Variants in BRDT observed in about 807,000 individuals in gnomAD.
The protein encoded by BRDT is bromodomain testis-specific protein.
In BRDT, 77 loss-of-function variants were observed where a neutral mutation model predicts 113.9. That is an observed-to-expected ratio of 0.68 (90% CI 0.56 to 0.82). The LOEUF is 0.82. Ranked by LOEUF, BRDT falls within the 40% of genes least tolerant of loss-of-function variation. BRDT has a pLI of 0.00. For missense variants in BRDT, 1,027 were observed against 1,105.4 expected, an observed-to-expected ratio of 0.93 and a Z score of 1.01; for synonymous variants, 358 against 366.5, an observed-to-expected ratio of 0.98 and a Z score of 0.26.
chr1:92,011,519 C>T lies in BRDT; in HGVS notation c.2776-2687C>T, dbSNP rs151138260. Among the ~76,000 whole-genome samples the T allele has an allele frequency of 9.2e-5, 14 of 151,942 alleles. No individual in the cohort carries two copies. In the East Asian group the frequency reaches 2.1e-3, roughly 23 times the overall value. ...GAGATGTAGTCTGTGGGATTACAGGCGTGAGCTACCACGCCCAGCCGACCT... is the reference window on the plus strand; with the variant it reads ...GAGATGTAGTCTGTGGGATTACAGGTGTGAGCTACCACGCCCAGCCGACCT... On this transcript the variant is annotated intron_variant, in intron 18 of 18. Transcript: ENST00000399546.
intron 17 of BRDT, 144 bp from the exon 18 acceptor site, chr1:92,004,975 G>T: frequency 1.6e-6 from 1 of 638,646 alleles, no homozygotes; most frequent in Non-Finnish European, 2.4e-6. Context: ...GTAATTTGAT[G>T]CATCAAAAAT....
chr1:91,976,322 A>G lies in BRDT; in HGVS notation c.502A>G (p.Thr168Ala). The change falls in exon 5 of 19, where the codon ACA becomes GCA. Residue 168 changes from threonine (T) to alanine (A), a missense_variant. Physicochemically the swap from Thr to Ala is moderately conservative, Grantham distance 58. Coordinates refer to ENST00000399546, the MANE Select transcript of BRDT (RefSeq NM_207189.4). ...SAKEKSSPSATEKVFKQQEIP... is the reference protein window; with the variant it reads ...SAKEKSSPSAAEKVFKQQEIP... Reference sequence around the variant, plus strand: ...TAAAGAAAAATCATCACCCAGCGCAACAGAAAAAGTATTTAAGCAGCAAGA... The same window carrying G: ...TAAAGAAAAATCATCACCCAGCGCAGCAGAAAAAGTATTTAAGCAGCAAGA... 1 of 1,612,608 alleles carries G rather than the reference A, an allele frequency of 6.2e-7. No individual in the cohort carries two copies.
chr1:91,977,351 C>T lies in BRDT; in HGVS notation c.927C>T (p.Tyr309=), dbSNP rs746735216. The T allele has an allele frequency of 3.1e-6, 5 of 1,599,232 alleles. No individual in the cohort carries two copies. Among genetic ancestry groups the T allele is most frequent in the African/African-American group, 2.7e-5 (2 of 74,268 alleles). ...TTAATGCTTTGGGACTCCATAACTA[C>T]TATGACGTTGTCAAAAATCCGATGG... ...VDVNALGLHN[Y]YDVVKNPMDL... Residue 309 remains tyrosine, a synonymous_variant, in exon 6 of 19, where the codon TAC becomes TAT. Coordinates refer to ENST00000399546, the MANE Select transcript of BRDT (RefSeq NM_207189.4).
chr1:91,985,216 A>G (rs1271244210), intron 12 of BRDT, among the ~76,000 whole-genome samples: 1 of 151,986 alleles, frequency 6.6e-6, no homozygotes, highest in Non-Finnish European at 1.5e-5. Flanking sequence ...GGAGCATGCC[A>G]CCACACCGGC....
intron 18 of BRDT, among the ~76,000 whole-genome samples, chr1:92,010,267 ATTT>A (rs373305680): frequency 0.023 from 2,345 of 100,974 alleles, 14 homozygotes; most frequent in Middle Eastern, 0.033. Context: ...TGCTCTTTTA[ATTT>A]TTTTTTTTTT....
intron 3 of BRDT, among the ~76,000 whole-genome samples, chr1:91,967,390 C>T (rs564503560): frequency 6.6e-5 from 10 of 151,242 alleles, no homozygotes; most frequent in South Asian, 2.1e-4. Context: ...CATGCGCAAC[C>T]GCACCTGGCT....
intron 1 of BRDT, among the ~76,000 whole-genome samples, chr1:91,958,387 C>T (rs979088947): frequency 7.3e-5 from 11 of 151,470 alleles, no homozygotes; most frequent in Non-Finnish European, 1.5e-5. Context: ...GGCTAGTTTT[C>T]GTGTTTTTAG....
At chr1:92,006,852 A>G (rs1334344263) in intron 18 of BRDT, among the ~76,000 whole-genome samples, 2 of 151,444 alleles carry the variant, frequency 1.3e-5, no homozygotes, top group Non-Finnish European at 2.9e-5. Flanking sequence ...CAGTAGTGCA[A>G]TCTTGGCTCA....
chr1:91,992,578 C>T (rs987442695), intron 14 of BRDT, among the ~76,000 whole-genome samples: 2 of 152,144 alleles, frequency 1.3e-5, no homozygotes, highest in African/African-American at 4.8e-5. Flanking sequence ...CTCTATCACC[C>T]AGGCTGGAGT....
rs1282297998 is a variant in BRDT at position 91,981,740 on chromosome 1, A to T, written c.1987A>T (p.Ser663Cys). 9 of 1,613,800 alleles carry T rather than the reference A, an allele frequency of 5.6e-6. No individual in the cohort carries two copies. The Admixed American group carries it at 1.5e-4, about 27-fold the overall frequency. Residue 663 changes from serine to cysteine, a missense_variant, in exon 12 of 19, where the codon AGT becomes TGT. Coordinates refer to ENST00000399546, the MANE Select transcript of BRDT (RefSeq NM_207189.4). ...SSSDLSSSDS[S>C]DSESEMFPKF... is the part of the protein sequence containing the mutation. ...CAGTGACTTAAGCTCTTCAGACAGC[A>T]GTGATTCTGAATCAGGTTAGCTGTC...
chr1:91,976,372 A>T lies in BRDT; in HGVS notation c.552A>T (p.Thr184=), dbSNP rs577272964. ...QQEIPSVFPK[T]SISPLNVVQG... Reference sequence around the variant, plus strand: ...AAATTCCTTCTGTATTTCCTAAGACATCTATTTCTCCCTTGAACGTGGTAC... The same window carrying T: ...AAATTCCTTCTGTATTTCCTAAGACTTCTATTTCTCCCTTGAACGTGGTAC... The change falls in exon 5 of 19, where the codon ACA becomes ACT. Residue 184 remains threonine, a synonymous_variant. Transcript: ENST00000399546. 6.2e-7 allele frequency: 1 copy of T among 1,612,594 alleles called. No individual in the cohort carries two copies.
intron 12 of BRDT, among the ~76,000 whole-genome samples, chr1:91,988,073 T>C (rs1685425600): frequency 6.6e-6 from 1 of 152,022 alleles, no homozygotes; most frequent in Non-Finnish European, 1.5e-5. Context: ...GGTCTGGAAC[T>C]CCTGACCTGG....
rs775176133 is a variant in BRDT, at chr1:92,004,535, A to T, written c.2510A>T (p.Glu837Val). The change falls in exon 17 of 19, where the codon GAA (glutamate) becomes GTA (valine). Residue 837 changes from glutamate to valine, a missense_variant. Transcript: ENST00000399546. ...NQFRKAAIEK[E>V]VKARTQELIR... ...TTTAGAAAAGCAGCCATAGAAAAGG[A>T]AGTAAAAGCTCGGACACAGGAACTC... 6.2e-7 allele frequency: 1 copy of T among 1,613,584 alleles called. No individual in the cohort carries two copies. Among genetic ancestry groups the T allele is most frequent in the South Asian group, 1.1e-5 (1 of 91,002 alleles).
chr1:91,973,621 T>C (rs1397125763), intron 4 of BRDT, among the ~76,000 whole-genome samples: 1 of 152,196 alleles, frequency 6.6e-6, no homozygotes, highest in Non-Finnish European at 1.5e-5. Context: ...TTTTCACACA[T>C]TGATTTTGTA....
rs1339088647 is a variant in BRDT at position 91,981,343 on chromosome 1, TTAA to T, written c.1831_1833del (p.Asn611del). 6.2e-7 allele frequency: 1 copy of T among 1,614,076 alleles called. No homozygotes were observed. The highest frequency in any genetic ancestry group is 8.5e-7 in the Non-Finnish European group (1 of 1,179,984). On this transcript the variant is annotated inframe_deletion, in exon 11 of 19. Transcript: ENST00000399546. The stretch of plus-strand genomic sequence containing the variant: ...GAATTGGAAAAGCGGTTACTGGATG[TTAA>T]TAATCAGTTAAATTCTAGAAAACGT...
intron 18 of BRDT, among the ~76,000 whole-genome samples, chr1:92,012,661 A>C (rs1008666472): frequency 6.6e-6 from 1 of 152,228 alleles, no homozygotes; most frequent in Non-Finnish European, 1.5e-5. Context: ...CTGTAATCCC[A>C]ACACTTTGGG....
At position 91,978,193 on chromosome 1, in the gene BRDT, AG is replaced by A; in HGVS notation, c.997del (p.Asp333MetfsTer11). ...GAGAAAATGGATAACCAAGAATATA[AG>A]GATGCATACAAATTTGCGGCAGATG... The part of the protein sequence containing the change: ...IKEKMDNQEY[K>X]DAYKFAADVR... On this transcript the variant is annotated frameshift_variant, in exon 7 of 19. Coordinates refer to ENST00000399546, the MANE Select transcript of BRDT (RefSeq NM_207189.4). LOFTEE classifies it high-confidence loss of function. 1.2e-6 allele frequency: 2 copies of A among 1,613,510 alleles called. No homozygotes were observed. Among genetic ancestry groups the A allele is most frequent in the Non-Finnish European group, 8.5e-7 (1 of 1,179,498 alleles).
intron 3 of BRDT, among the ~76,000 whole-genome samples, 176 bp downstream of exon 3, chr1:91,964,940 G>A (rs540611378): frequency 2.0e-4 from 29 of 144,790 alleles, no homozygotes; most frequent in Non-Finnish European, 3.8e-4. Context: ...GATGGAGTCT[G>A]GCTCTGTCAC....
chr1:91,988,943 A>AT (rs1416598952), intron 12 of BRDT, among the ~76,000 whole-genome samples: 1 of 152,214 alleles, frequency 6.6e-6, no homozygotes, highest in Non-Finnish European at 1.5e-5. Flanking sequence ...AGGTGTTTTT[A>AT]TTTTTTTAAT....
Sources: gnomAD v4.1 joint callset for allele counts (sites outside exome capture counted in the v4.1 genomes callset) on GRCh38, gnomAD v4.1.1 for gene constraint, MANE v1.5 for transcripts, NCBI Gene and HGNC (gene_info 2026-07-23, HGNC 2026-07-21) for gene names.